Variants in SPON1 observed in about 807,000 individuals in gnomAD.
The protein encoded by SPON1 is spondin 1.
A neutral mutation model predicts 111.7 loss-of-function variants in SPON1; 52 were observed. The ratio of observed to expected loss-of-function variants is 0.47; its 90% CI spans 0.37 to 0.59. SPON1 has a LOEUF of 0.59. SPON1 is among the 20% of genes least tolerant of loss of function. The probability of loss-of-function intolerance (pLI) is 0.00; values close to 1 mark genes in which losing one functional copy is unlikely to be tolerated. For synonymous variants in SPON1, 410 were observed against 395.8 expected, an observed-to-expected ratio of 1.04 and a Z score of -0.43; for missense variants, 957 against 1,068.5, an observed-to-expected ratio of 0.90 and a Z score of 1.46.
intron 6 of SPON1, among the ~76,000 whole-genome samples, chr11:14,160,264 T>C (rs952309271): frequency 1.4e-5 from 2 of 143,020 alleles, no homozygotes; most frequent in Non-Finnish European, 3.0e-5. Flanking sequence ...CAGGATGTTT[T>C]ATCAGTTACA....
rs971336759 is a variant in SPON1 at position 14,022,137 on chromosome 11, G to A, written c.346-19384G>A. Among the ~76,000 whole-genome samples, 4 of 152,320 alleles carry A rather than the reference G, an allele frequency of 2.6e-5. No homozygotes were observed. The South Asian group carries it at 8.3e-4, about 32-fold the overall frequency. ...CCAAAAAAAGCAATAATTGAGCAGA[G>A]GGTCGTTATGAATTGGTTACTATTC... On this transcript the variant is annotated intron_variant, in intron 2 of 15. Coordinates refer to ENST00000576479, the MANE Select transcript of SPON1 (RefSeq NM_006108.4).
At chr11:14,265,319 TGAG>T (rs1328117874) in intron 15 of SPON1, among the ~76,000 whole-genome samples, 25 of 152,202 alleles carry the variant, frequency 1.6e-4, no homozygotes, top group Admixed American at 1.6e-3. Flanking sequence ...TGCCTTTTGA[TGAG>T]AAGAACCGTG....
At chr11:14,210,379 T>C (rs1163356096) in intron 6 of SPON1, among the ~76,000 whole-genome samples, 2 of 151,610 alleles carry the variant, frequency 1.3e-5, no homozygotes, top group East Asian at 3.9e-4. Context: ...TTTCCTTTTT[T>C]TTTTTTTTTG....
At chr11:14,111,883 T>G (rs1253460850) in intron 5 of SPON1, among the ~76,000 whole-genome samples, 1 of 151,676 alleles carries the variant, frequency 6.6e-6, no homozygotes, top group Non-Finnish European at 1.5e-5. Flanking sequence ...ATTGACAAAG[T>G]GACATGGAAT....
intron 2 of SPON1, among the ~76,000 whole-genome samples, chr11:14,020,142 C>G (rs782678139): frequency 6.6e-6 from 1 of 152,114 alleles, no homozygotes; most frequent in Non-Finnish European, 1.5e-5. Flanking sequence ...ATGTGCACCA[C>G]TCTAGGGAGG....
At chr11:14,065,859 G>A (rs1388626996) in intron 3 of SPON1, among the ~76,000 whole-genome samples, 14 of 152,160 alleles carry the variant, frequency 9.2e-5, no homozygotes, top group Non-Finnish European at 1.3e-4. Flanking sequence ...AGAACTCCAG[G>A]TTTGATAAGC....
intron 2 of SPON1, among the ~76,000 whole-genome samples, chr11:14,025,699 C>G (rs1554915231): frequency 6.6e-6 from 1 of 152,060 alleles, no homozygotes; most frequent in Non-Finnish European, 1.5e-5. Context: ...CCTATCAGAC[C>G]TGGGTTCTTG....
intron 6 of SPON1, among the ~76,000 whole-genome samples, chr11:14,178,509 C>T (rs7944214): frequency 0.4 from 60,851 of 151,736 alleles, 12,343 homozygotes; most frequent in East Asian, 0.55. Context: ...CCCTCACTCG[C>T]GAGATGAGAA....
chr11:14,094,211 CA>C (rs1183210350), intron 5 of SPON1, among the ~76,000 whole-genome samples: 2,477 of 101,638 alleles, frequency 0.024, 45 homozygotes, highest in African/African-American at 0.079. Context: ...GACTCTGTCT[CA>C]AAAAAAAAAA....
At chr11:13,976,561 A>C (rs782270414) in intron 1 of SPON1, among the ~76,000 whole-genome samples, 1 of 152,204 alleles carries the variant, frequency 6.6e-6, no homozygotes, top group Non-Finnish European at 1.5e-5. Context: ...GTTGTGTACA[A>C]CCTTAGCTTT....
chr11:14,102,331 A>G (rs1165326416), intron 5 of SPON1, among the ~76,000 whole-genome samples: 1 of 152,222 alleles, frequency 6.6e-6, no homozygotes, highest in Non-Finnish European at 1.5e-5. Flanking sequence ...ATTAATTTTA[A>G]TGTTCTATTC....
intron 2 of SPON1, among the ~76,000 whole-genome samples, chr11:13,996,711 G>GTGTATA (rs535844829): frequency 6.9e-6 from 1 of 145,212 alleles, no homozygotes; most frequent in African/African-American, 2.8e-5. Flanking sequence ...ACCTATGTGT[G>GTGTATA]TATATATATA....
At chr11:14,129,909 A>G (rs1847507707) in intron 5 of SPON1, among the ~76,000 whole-genome samples, 1 of 152,094 alleles carries the variant, frequency 6.6e-6, no homozygotes, top group Admixed American at 6.5e-5. Flanking sequence ...ACTGCCACAC[A>G]CTTTCAAACC....
chr11:13,991,403 G>T (rs140058127), intron 2 of SPON1, among the ~76,000 whole-genome samples: 28 of 152,030 alleles, frequency 1.8e-4, no homozygotes, highest in Non-Finnish European at 2.5e-4. Context: ...GGAAGTTCTC[G>T]TACTGTATTT....
intron 6 of SPON1, among the ~76,000 whole-genome samples, chr11:14,190,547 T>A (rs923657598): frequency 1.3e-5 from 2 of 151,456 alleles, no homozygotes; most frequent in Non-Finnish European, 2.9e-5. Context: ...CCTTCCTCCT[T>A]CCTTCCTTCT....
chr11:14,254,771 C>T (rs1849088848), intron 8 of SPON1, 42 bp downstream of exon 8: 3 of 1,586,748 alleles, frequency 1.9e-6, no homozygotes, highest in East Asian at 4.5e-5. Flanking sequence ...TCCTTGCCTA[C>T]CCGCTTCCTG....
At chr11:14,123,418 C>T (rs979067190) in intron 5 of SPON1, among the ~76,000 whole-genome samples, 6 of 152,078 alleles carry the variant, frequency 3.9e-5, no homozygotes, top group Admixed American at 1.3e-4. Context: ...TACTCTAGGG[C>T]TAATGTAGTT....
intron 1 of SPON1, among the ~76,000 whole-genome samples, chr11:13,965,494 G>T (rs1362758868): frequency 6.6e-6 from 1 of 152,142 alleles, no homozygotes; most frequent in African/African-American, 2.4e-5. Flanking sequence ...AAACGTCCAG[G>T]GCCAGCAGGT....
At chr11:14,057,500 G>A (rs1219256110) in intron 3 of SPON1, among the ~76,000 whole-genome samples, 2 of 152,108 alleles carry the variant, frequency 1.3e-5, no homozygotes, top group East Asian at 1.9e-4. Flanking sequence ...AATAGGGTTC[G>A]AGGATTAGAT....
Sources: gnomAD v4.1 joint callset for allele counts (sites outside exome capture counted in the v4.1 genomes callset) on GRCh38, gnomAD v4.1.1 for gene constraint, MANE v1.5 for transcripts, NCBI Gene and HGNC (gene_info 2026-07-23, HGNC 2026-07-21) for gene names.